The following DLG2 variants were observed in gnomAD, a reference collection of about 807,000 sequenced individuals.
DLG2 encodes the protein disks large homolog 2.
In DLG2, 45 loss-of-function variants were observed where a neutral mutation model predicts 132.5. The observed-to-expected ratio is 0.34, with a 90% CI of 0.27 to 0.44. DLG2 has a LOEUF of 0.44. DLG2 is among the 20% of genes least tolerant of loss of function. The pLI, the probability that DLG2 is intolerant of heterozygous loss-of-function variation, is 1.00. For missense variants in DLG2, 1,045 were observed against 1,196.9 expected (o/e 0.87, Z 1.87); for synonymous variants, 424 against 419.6 (o/e 1.01, Z -0.13).
intron 6 of DLG2, among the ~76,000 whole-genome samples, chr11:85,000,910 G>C (rs2154130533): frequency 6.6e-6 from 1 of 152,144 alleles, no homozygotes; most frequent in East Asian, 1.9e-4. Context: ...AATATAAGTA[G>C]ATGCATTTCA....
At chr11:84,555,113 T>C (rs1278045957) in intron 6 of DLG2, among the ~76,000 whole-genome samples, 1 of 151,938 alleles carries the variant, frequency 6.6e-6, no homozygotes, top group Non-Finnish European at 1.5e-5. Context: ...CTAAGAAAAA[T>C]GGGAAGTCAA....
chr11:84,316,857 T>C, intron 7 of DLG2: 1 of 1,612,682 alleles, frequency 6.2e-7, no homozygotes, highest in Non-Finnish European at 8.5e-7. Flanking sequence ...TGTGGGCAGG[T>C]ACAATGCTCC....
chr11:84,666,141 G>A (rs371737690), intron 6 of DLG2, among the ~76,000 whole-genome samples: 2 of 151,974 alleles, frequency 1.3e-5, no homozygotes, highest in East Asian at 1.9e-4. Flanking sequence ...CATTATCCTG[G>A]GTGTTTCTGT....
intron 3 of DLG2, among the ~76,000 whole-genome samples, chr11:85,399,961 C>A (rs1328936117): frequency 6.6e-6 from 1 of 152,010 alleles, no homozygotes; most frequent in African/African-American, 2.4e-5. Flanking sequence ...AGCTTCTGCA[C>A]AGCAAAAGAA....
At chr11:84,031,907 AT>A (rs2095706704) in intron 11 of DLG2, among the ~76,000 whole-genome samples, 2 of 152,220 alleles carry the variant, frequency 1.3e-5, no homozygotes, top group East Asian at 3.9e-4. Flanking sequence ...GTATTTCAAA[AT>A]TTTTAATGAT....
chr11:85,348,276 G>T (rs930307453), intron 3 of DLG2, among the ~76,000 whole-genome samples: 1 of 151,316 alleles, frequency 6.6e-6, no homozygotes, highest in Non-Finnish European at 1.5e-5. Context: ...AGGCTGGAGT[G>T]AAGTGGCACG....
intron 8 of DLG2, among the ~76,000 whole-genome samples, chr11:84,175,154 C>A (rs1462617073): frequency 6.6e-6 from 1 of 152,090 alleles, no homozygotes; most frequent in East Asian, 1.9e-4. Flanking sequence ...GTGTTTGAAT[C>A]CAGTATCTGA....
intron 6 of DLG2, among the ~76,000 whole-genome samples, chr11:84,584,318 T>A (rs2099523786): frequency 6.6e-6 from 1 of 152,110 alleles, no homozygotes; most frequent in African/African-American, 2.4e-5. Context: ...ACCTTTTCTT[T>A]TGAAATGTTT....
At chr11:85,011,538 T>C (rs910646855) in intron 6 of DLG2, among the ~76,000 whole-genome samples, 6 of 152,212 alleles carry the variant, frequency 3.9e-5, no homozygotes, top group Admixed American at 1.3e-4. Flanking sequence ...TAAATATAGA[T>C]AAAAATACTT....
intron 6 of DLG2, among the ~76,000 whole-genome samples, chr11:84,884,664 T>C (rs1476354221): frequency 6.6e-6 from 1 of 152,050 alleles, no homozygotes; most frequent in Non-Finnish European, 1.5e-5. Context: ...GTGGTCCTTT[T>C]AGAAGTTTTT....
chr11:83,821,285 C>T (rs1007890630), intron 17 of DLG2, among the ~76,000 whole-genome samples: 7 of 152,132 alleles, frequency 4.6e-5, no homozygotes, highest in African/African-American at 1.7e-4. Flanking sequence ...TGTTAGAGGA[C>T]GCTCATCGAC....
At chr11:84,869,347 T>A (rs1479114169) in intron 6 of DLG2, among the ~76,000 whole-genome samples, 1 of 152,232 alleles carries the variant, frequency 6.6e-6, no homozygotes, top group Non-Finnish European at 1.5e-5. Context: ...AATGGATAGC[T>A]GGATTCAATG....
At chr11:85,320,504 T>A (rs2080986912) in intron 3 of DLG2, among the ~76,000 whole-genome samples, 1 of 151,790 alleles carries the variant, frequency 6.6e-6, no homozygotes, top group Admixed American at 6.6e-5. Flanking sequence ...GTATTCCTAG[T>A]CTAATAAAGC....
chr11:85,506,076 C>G (rs1376873998), intron 3 of DLG2, among the ~76,000 whole-genome samples: 1 of 152,144 alleles, frequency 6.6e-6, no homozygotes, highest in Non-Finnish European at 1.5e-5. Flanking sequence ...TCCCCTTTAT[C>G]ATTTTTTATT....
At chr11:85,104,318 T>C (rs1182208537) in intron 6 of DLG2, among the ~76,000 whole-genome samples, 1 of 151,894 alleles carries the variant, frequency 6.6e-6, no homozygotes, top group African/African-American at 2.4e-5. Context: ...CAAATGTCTA[T>C]CAACTGATGA....
chr11:85,132,999 A>C, intron 5 of DLG2: 1 of 340,604 alleles, frequency 2.9e-6, no homozygotes, highest in Non-Finnish European at 5.9e-6. Flanking sequence ...AGGCACCAGA[A>C]AATCCCCTAG....
At chr11:84,038,953 T>G (rs1004869416) in intron 11 of DLG2, among the ~76,000 whole-genome samples, 3 of 152,050 alleles carry the variant, frequency 2.0e-5, no homozygotes, top group Non-Finnish European at 2.9e-5. Flanking sequence ...GTAACTTCCC[T>G]CATGATTCAA....
At chr11:85,453,372 G>C in intron 3 of DLG2, 1 of 215,922 alleles carries the variant, frequency 4.6e-6, no homozygotes, top group Non-Finnish European at 9.8e-6. Flanking sequence ...AATTGAATCT[G>C]AGTTTCTTCT....
At chr11:85,358,395 C>T (rs1014136130) in intron 3 of DLG2, among the ~76,000 whole-genome samples, 3 of 152,142 alleles carry the variant, frequency 2.0e-5, no homozygotes, top group Non-Finnish European at 2.9e-5. Flanking sequence ...TAATCCAGAT[C>T]CCAGTCTTTT....
Sources: allele counts gnomAD v4.1 joint callset (sites outside exome capture counted in the v4.1 genomes callset), GRCh38; gene constraint gnomAD v4.1.1; transcripts MANE v1.5; gene names NCBI Gene and HGNC (gene_info 2026-07-23, HGNC 2026-07-21).